ZNF655: variants seen among roughly 807,000 people sequenced by gnomAD.
ZNF655 encodes the protein Vav-interacting Kruppel-like protein 1.
A neutral mutation model predicts 6.6 loss-of-function variants in ZNF655; 3 were observed. The ratio of observed to expected loss-of-function variants is 0.46; its 90% confidence interval spans 0.21 to 1.18. ZNF655 has a LOEUF of 1.18. Ranked by LOEUF, ZNF655 falls within the 50% of genes most tolerant of loss-of-function variation. The pLI is 0.24. For synonymous variants in ZNF655, 178 were observed against 195.0 expected (o/e 0.91, Z 0.73); for missense variants, 526 against 572.3 (o/e 0.92, Z 0.83).
Position 99,573,456 on chromosome 7 carries a change from G to C in ZNF655, c.1348G>C (p.Asp450His), listed in dbSNP as rs1361147182. Reference sequence around the variant, plus strand: ...TGAGGGCAGTTTCAGTCATAGCTCAGATCTTATCCTGCAACAAGAAGTCCT... The same window carrying C: ...TGAGGGCAGTTTCAGTCATAGCTCACATCTTATCCTGCAACAAGAAGTCCT... ...EYEGSFSHSS[D>H]LILQQEVLTR... Residue 450 changes from aspartate to histidine, a missense_variant, in exon 3 of 3, where the codon GAT (aspartate) becomes CAT (histidine). By Grantham distance (81) the Asp-to-His change is moderately conservative. Coordinates refer to ENST00000252713, the MANE Select transcript of ZNF655 (RefSeq NM_138494.3). 1.2e-6 allele frequency: 2 copies of C among 1,613,840 alleles called. No individual in the cohort carries two copies. Among genetic ancestry groups the C allele is most frequent in the East Asian group, 2.2e-5 (1 of 44,876 alleles).
In ZNF655 at chr7:99,565,640, C is replaced by G. The variant is rs556937060; in HGVS notation, c.136+4945C>G. Among the ~76,000 whole-genome samples, 6 of 152,268 alleles carry G rather than the reference C, an allele frequency of 3.9e-5. 1 individual carries two copies. In the East Asian group the frequency reaches 7.7e-4, roughly 20 times the overall value. ...ACATACTCCATTGATGATGAATGAA[C>G]AATTTGCCTCTGGGTCACTATCCAT... On this transcript the variant is annotated intron_variant, in intron 2 of 2. Transcript: ENST00000252713.
chr7:99,572,900 A>G lies in ZNF655; in HGVS notation c.792A>G (p.Arg264=). 1.2e-6 allele frequency: 2 copies of G among 1,614,176 alleles called. No individual in the cohort carries two copies. Among genetic ancestry groups the G allele is most frequent in the South Asian group, 2.2e-5 (2 of 91,082 alleles). ...GTCGACATAAAAGAATACACACTAG[A>G]GAAAAACCTTACAAATGTGAAGCAT... ...SLSRHKRIHT[R]EKPYKCEASD... The change falls in exon 3 of 3, where the codon AGA becomes AGG. Residue 264 remains arginine, a synonymous_variant. Transcript: ENST00000252713.
In ZNF655 at chr7:99,573,301, A is replaced by G; in HGVS notation, c.1193A>G (p.His398Arg). ...DFRLNSHLIQ[H>R]QRIHTGEKAH... ...AGATTGAATTCACATCTTATTCAGC[A>G]TCAAAGAATTCACACAGGAGAGAAA... is the stretch of plus-strand genomic sequence containing the variant. The change falls in exon 3 of 3, where the codon CAT (histidine) becomes CGT (arginine). Residue 398 changes from histidine to arginine, a missense_variant. His to Arg is a conservative substitution (Grantham distance 29). Transcript: ENST00000252713. 6.2e-7 allele frequency: 1 copy of G among 1,614,200 alleles called. No individual in the cohort carries two copies. The highest frequency in any genetic ancestry group is 8.5e-7 in the Non-Finnish European group (1 of 1,180,016).
intron 2 of ZNF655, chr7:99,571,544 G>A (rs2151168390): frequency 1.0e-6 from 1 of 1,003,884 alleles, no homozygotes; most frequent in South Asian, 1.7e-5. Context: ...GTAGATCTTT[G>A]CCCTCTTCAC....
chr7:99,564,762 A>G (rs1803491924), intron 2 of ZNF655: 1 of 954,344 alleles, frequency 1.0e-6, no homozygotes, highest in Non-Finnish European at 1.2e-6. Context: ...GTCTAATAGC[A>G]TAGTATGCTA....
At chr7:99,566,675 C>T (rs2151159849) in intron 2 of ZNF655, among the ~76,000 whole-genome samples, 1 of 152,308 alleles carries the variant, frequency 6.6e-6, no homozygotes, top group Non-Finnish European at 1.5e-5. Context: ...ATCCTCCTAC[C>T]TCAGCCTTCT....
intron 2 of ZNF655, chr7:99,571,850 A>C: frequency 8.1e-7 from 1 of 1,229,680 alleles, no homozygotes; most frequent in Non-Finnish European, 1.1e-6. Context: ...TTGTTGAGCC[A>C]AGTTGTAGCT....
In ZNF655 at chr7:99,573,439, G is replaced by T; in HGVS notation, c.1331G>T (p.Ser444Ile). 6.2e-7 allele frequency: 1 copy of T among 1,614,112 alleles called. No homozygotes were observed. The highest frequency in any genetic ancestry group is 8.5e-7 in the Non-Finnish European group (1 of 1,180,012). The change falls in exon 3 of 3, where the codon AGT (serine) becomes ATT (isoleucine). Residue 444 changes from serine to isoleucine, a missense_variant. Physicochemically the swap from Ser to Ile is moderately radical, Grantham distance 142. Transcript: ENST00000252713. ...TATGAATGTAATGAGTATGAGGGCAGTTTCAGTCATAGCTCAGATCTTATC... is the reference window on the plus strand; with the variant it reads ...TATGAATGTAATGAGTATGAGGGCATTTTCAGTCATAGCTCAGATCTTATC... ...KSYECNEYEG[S>I]FSHSSDLILQ...
rs766021309 is a variant in ZNF655 at position 99,562,365 on chromosome 7, C to G, written c.136+1670C>G. 4.4e-5 allele frequency: 71 copies of G among 1,613,806 alleles called. No individual in the cohort carries two copies. In the East Asian group the frequency reaches 1.6e-3, roughly 35 times the overall value. On this transcript the variant is annotated intron_variant, in intron 2 of 2. Transcript: ENST00000252713. ...TCAGAGCAGCCAGGATGTGTTATTTCAGGAGTTTGTGACATTCGAGGATGT... is the reference window on the plus strand; with the variant it reads ...TCAGAGCAGCCAGGATGTGTTATTTGAGGAGTTTGTGACATTCGAGGATGT...
rs747803549 is a variant in ZNF655 at position 99,574,376 on chromosome 7, A to T, written c.*792A>T. On this transcript the variant is annotated 3_prime_UTR_variant, in exon 3 of 3. Coordinates refer to ENST00000252713, the MANE Select transcript of ZNF655 (RefSeq NM_138494.3). Reference sequence around the variant, plus strand: ...CCTTTATTTAATATGTATTCTAAGTAGGTACGTTTATTTTTACTTTTTTAT... The same window carrying T: ...CCTTTATTTAATATGTATTCTAAGTTGGTACGTTTATTTTTACTTTTTTAT... 6 of 152,140 alleles carry T rather than the reference A, an allele frequency of 3.9e-5. No homozygotes were observed. Among genetic ancestry groups the T allele is most frequent in the Non-Finnish European group, 8.8e-5 (6 of 68,028 alleles). 9.4% of individuals were successfully genotyped at this position (152,140 alleles called of 1,614,324 possible).
intron 2 of ZNF655, chr7:99,571,343 C>T: frequency 3.1e-6 from 4 of 1,278,512 alleles, no homozygotes; most frequent in Non-Finnish European, 4.1e-6. Flanking sequence ...CATTTTGATA[C>T]TTGTAGACCA....
rs1199941424 is a variant in ZNF655, at chr7:99,574,962, G to A, written c.*1378G>A. 3 of 152,326 alleles carry A rather than the reference G, an allele frequency of 2.0e-5. No homozygotes were observed. Among genetic ancestry groups the A allele is most frequent in the Non-Finnish European group, 1.5e-5 (1 of 68,028 alleles). The allele number at this position is 152,326 out of a possible 1,614,324, so 9.4% of individuals were successfully genotyped here. On this transcript the variant is annotated 3_prime_UTR_variant, in exon 3 of 3. Coordinates refer to ENST00000252713, the MANE Select transcript of ZNF655 (RefSeq NM_138494.3). ...AGCATCTTTTTTTAAAAAAGAATTT[G>A]ATTGACAATATATCCAGTCCAATAT... is the stretch of plus-strand genomic sequence containing the variant.
At chr7:99,571,637 T>C (rs2151168571) in intron 2 of ZNF655, 2 of 1,382,200 alleles carry the variant, frequency 1.4e-6, no homozygotes, top group Middle Eastern at 1.8e-4. Flanking sequence ...AAGTGGCAGA[T>C]GTAGGACCTG....
intron 2 of ZNF655, among the ~76,000 whole-genome samples, chr7:99,568,082 A>T (rs961905027): frequency 1.3e-5 from 2 of 151,746 alleles, no homozygotes; most frequent in Non-Finnish European, 1.5e-5. Flanking sequence ...AAAAAAAAAA[A>T]AATTAAGTAC....
At chr7:99,565,329 T>G (rs752525171) in intron 2 of ZNF655, among the ~76,000 whole-genome samples, 34 of 152,086 alleles carry the variant, frequency 2.2e-4, no homozygotes, top group Non-Finnish European at 3.8e-4. Flanking sequence ...CCACCATGCC[T>G]GGCTAATCTT....
chr7:99,561,308 C>G (rs1392161964), intron 2 of ZNF655, among the ~76,000 whole-genome samples: 1 of 152,198 alleles, frequency 6.6e-6, no homozygotes, highest in Non-Finnish European at 1.5e-5. Flanking sequence ...CTTAGATTGC[C>G]TGTGGTTAAC....
chr7:99,564,316 A>T, intron 2 of ZNF655: 1 of 1,210,468 alleles, frequency 8.3e-7, no homozygotes, highest in Non-Finnish European at 1.0e-6. Context: ...AGAATGTGAA[A>T]CTTATGCTGT....
intron 2 of ZNF655, among the ~76,000 whole-genome samples, chr7:99,566,469 T>C (rs961948346): frequency 6.6e-6 from 1 of 152,220 alleles, no homozygotes; most frequent in African/African-American, 2.4e-5. Context: ...ATATTATTTG[T>C]GTATTAAGGA....
At chr7:99,571,240 C>T in intron 2 of ZNF655, 1 of 1,288,588 alleles carries the variant, frequency 7.8e-7, no homozygotes, top group Non-Finnish European at 1.0e-6. Context: ...ATTCAGTTTT[C>T]ACTGATTCTC....
Sources: allele counts gnomAD v4.1 joint callset (sites outside exome capture counted in the v4.1 genomes callset), GRCh38; gene constraint gnomAD v4.1.1; transcripts MANE v1.5; gene names NCBI Gene and HGNC (gene_info 2026-07-23, HGNC 2026-07-21).